Variants in STAU2 observed in about 807,000 individuals in gnomAD.
STAU2 encodes the protein staufen double-stranded RNA binding protein 2.
In STAU2, 20 loss-of-function variants were observed where a neutral mutation model predicts 65.9. The observed-to-expected ratio is 0.30, with a 90% CI of 0.21 to 0.44. The LOEUF (loss-of-function observed/expected upper bound fraction) is 0.44. STAU2 is among the 20% of genes least tolerant of loss of function. The pLI is 1.00. For missense variants in STAU2, 558 were observed against 683.9 expected, an observed-to-expected ratio of 0.82 and a Z score of 2.05; for synonymous variants, 232 against 233.9, an observed-to-expected ratio of 0.99 and a Z score of 0.07.
intron 6 of STAU2, among the ~76,000 whole-genome samples, chr8:73,626,174 G>A (rs1292764609): frequency 2.0e-5 from 3 of 152,070 alleles, no homozygotes; most frequent in African/African-American, 7.2e-5. Flanking sequence ...AAGATTAACA[G>A]GGGCTCCTTT....
At chr8:73,599,016 A>AATGTATCAG (rs1811426987) in intron 10 of STAU2, among the ~76,000 whole-genome samples, 1 of 152,250 alleles carries the variant, frequency 6.6e-6, no homozygotes, top group Non-Finnish European at 1.5e-5. Flanking sequence ...ATGTTCATGG[A>AATGTATCAG]TTGAAGACAA....
At position 73,617,596 on chromosome 8, in the gene STAU2, A is replaced by C. The variant is rs532466564; in HGVS notation, c.411-145T>G. 5.0e-4 allele frequency: 374 copies of C among 745,994 alleles called. 5 individuals carry two copies. In the South Asian group the frequency reaches 6.9e-3, roughly 14 times the overall value. 46.2% of individuals were successfully genotyped at this position (745,994 alleles called of 1,614,324 possible). A position where few individuals can be genotyped will look rare whatever the true frequency, so the allele number is the denominator to read the frequency against. On this transcript the variant is annotated intron_variant, in intron 6 of 14. Coordinates refer to ENST00000524300, the MANE Select transcript of STAU2 (RefSeq NM_001164380.2). Reference sequence around the variant, plus strand: ...ACCTCAAAAACATACTTTTTTGATAAAATGTGAGTCAATACATCTATAGAT... The same window carrying C: ...ACCTCAAAAACATACTTTTTTGATACAATGTGAGTCAATACATCTATAGAT...
At chr8:73,714,441 C>G (rs981895065) in intron 3 of STAU2, among the ~76,000 whole-genome samples, 1 of 152,158 alleles carries the variant, frequency 6.6e-6, no homozygotes, top group Non-Finnish European at 1.5e-5. Flanking sequence ...GCAAAATTAT[C>G]GACAAACTAC....
At chr8:73,450,841 CT>C (rs751299642) in intron 13 of STAU2, among the ~76,000 whole-genome samples, 1 of 152,148 alleles carries the variant, frequency 6.6e-6, no homozygotes, top group Non-Finnish European at 1.5e-5. Flanking sequence ...TTAGATGCTT[CT>C]ATTGTTATGT....
In STAU2 at chr8:73,646,062, CT is replaced by C. The variant is rs1211519175; in HGVS notation, c.410+27044del. On this transcript the variant is annotated intron_variant, in intron 6 of 14. Transcript: ENST00000524300. The stretch of plus-strand genomic sequence containing the variant: ...CAGAAACAAAGAAATAAAAATGTCC[CT>C]ATTTAAAGATGAAATAATTGTCTGT... 9.2e-5 allele frequency among the ~76,000 whole-genome samples: 14 copies of C among 152,164 alleles called. No individual in the cohort carries two copies. In the East Asian group the frequency reaches 2.7e-3, roughly 29 times the overall value.
At chr8:73,619,897 T>G (rs1227715102) in intron 6 of STAU2, among the ~76,000 whole-genome samples, 2 of 152,156 alleles carry the variant, frequency 1.3e-5, no homozygotes, top group Non-Finnish European at 2.9e-5. Flanking sequence ...TTTAAATGCT[T>G]AACCTAAAAT....
chr8:73,450,636 T>A (rs1188086575), intron 13 of STAU2, among the ~76,000 whole-genome samples: 1 of 152,224 alleles, frequency 6.6e-6, no homozygotes, highest in Non-Finnish European at 1.5e-5. Context: ...GTTCTTTGAT[T>A]TTCATCATCC....
At chr8:73,607,018 G>C (rs1330918043) in intron 9 of STAU2, among the ~76,000 whole-genome samples, 1 of 152,034 alleles carries the variant, frequency 6.6e-6, no homozygotes, top group African/African-American at 2.4e-5. Context: ...ATTACAAAGG[G>C]GCATAAGGAA....
intron 10 of STAU2, among the ~76,000 whole-genome samples, chr8:73,602,637 C>T (rs1054468459): frequency 4.6e-5 from 7 of 151,478 alleles, no homozygotes; most frequent in Non-Finnish European, 1.0e-4. Flanking sequence ...AAGGGAGGAT[C>T]TCTTGAGCCC....
intron 3 of STAU2, among the ~76,000 whole-genome samples, chr8:73,734,508 C>CTGTTATGGT (rs1806291850): frequency 1.3e-5 from 2 of 152,022 alleles, no homozygotes; most frequent in African/African-American, 2.4e-5. Flanking sequence ...AATAAAAAAC[C>CTGTTATGGT]ATGTAGGCCG....
chr8:73,458,107 C>A (rs1257266109), intron 13 of STAU2, among the ~76,000 whole-genome samples: 2 of 152,224 alleles, frequency 1.3e-5, no homozygotes, highest in Admixed American at 6.5e-5. Context: ...CCTTAAATTT[C>A]ATTCCTAAAT....
chr8:73,723,464 T>A (rs547148772), intron 3 of STAU2, among the ~76,000 whole-genome samples: 131 of 152,374 alleles, frequency 8.6e-4, no homozygotes, highest in Non-Finnish European at 1.6e-3. Context: ...GGCCATTATT[T>A]CTTAAAATAT....
intron 3 of STAU2, among the ~76,000 whole-genome samples, chr8:73,713,599 A>G (rs1242794848): frequency 6.6e-6 from 1 of 152,138 alleles, no homozygotes; most frequent in Non-Finnish European, 1.5e-5. Context: ...AGACAGTCCA[A>G]GCTTTTCAAG....
chr8:73,666,486 A>C (rs1192027265), intron 6 of STAU2, among the ~76,000 whole-genome samples: 1 of 152,208 alleles, frequency 6.6e-6, no homozygotes, highest in Non-Finnish European at 1.5e-5. Context: ...AAAACCAAGA[A>C]GCCTTAAGTA....
At chr8:73,646,194 G>A (rs1002345109) in intron 6 of STAU2, among the ~76,000 whole-genome samples, 1 of 152,136 alleles carries the variant, frequency 6.6e-6, no homozygotes, top group Non-Finnish European at 1.5e-5. Context: ...CTACATACCA[G>A]CAATAAATGC....
chr8:73,481,525 A>AAC (rs1820630393), intron 13 of STAU2, among the ~76,000 whole-genome samples: 1 of 148,860 alleles, frequency 6.7e-6, no homozygotes, highest in Non-Finnish European at 1.5e-5. Flanking sequence ...ACAAAAAAAA[A>AAC]AAACACTTTT....
At chr8:73,524,361 G>A (rs555106883) in intron 13 of STAU2, among the ~76,000 whole-genome samples, 44 of 152,188 alleles carry the variant, frequency 2.9e-4, no homozygotes, top group Non-Finnish European at 5.0e-4. Context: ...GTAGGGGGAC[G>A]CAGGGAACAA....
chr8:73,745,196 A>G (rs1807186761), intron 1 of STAU2, among the ~76,000 whole-genome samples: 1 of 152,258 alleles, frequency 6.6e-6, no homozygotes, highest in African/African-American at 2.4e-5. Context: ...CAAATTTAAT[A>G]CAGGCCTGCT....
chr8:73,461,045 G>A (rs535258826), intron 13 of STAU2, among the ~76,000 whole-genome samples: 42 of 152,292 alleles, frequency 2.8e-4, no homozygotes, highest in Admixed American at 3.9e-4. Context: ...TGTGTGCCAA[G>A]TTCTTTCGAA....
Sources: gnomAD v4.1 joint callset for allele counts (sites outside exome capture counted in the v4.1 genomes callset) on GRCh38, gnomAD v4.1.1 for gene constraint, MANE v1.5 for transcripts, NCBI Gene and HGNC (gene_info 2026-07-23, HGNC 2026-07-21) for gene names.